Variants in KIAA1549 observed in about 807,000 individuals in gnomAD.
KIAA1549 encodes the protein UPF0606 protein KIAA1549.
In KIAA1549, 70 loss-of-function variants were observed where a neutral mutation model predicts 156.4. The ratio of observed to expected loss-of-function variants is 0.45; its 90% CI spans 0.37 to 0.55. KIAA1549 has a LOEUF of 0.55. KIAA1549 is among the 20% of genes least tolerant of loss of function. KIAA1549 has a pLI of 0.00. For missense variants in KIAA1549, 2,428 were observed against 2,540.9 expected (o/e 0.96, Z 0.96); for synonymous variants, 1,103 against 1,066.4 (o/e 1.03, Z -0.67).
At position 138,919,385 on chromosome 7, in the gene KIAA1549, G is replaced by T. The variant is rs1812481159; in HGVS notation, c.241C>A (p.Leu81Met). Residue 81 changes from leucine to methionine, a missense_variant, in exon 2 of 20, where the codon CTG (leucine) becomes ATG (methionine). Physicochemically the swap from Leu to Met is conservative, Grantham distance 15. Coordinates refer to ENST00000422774, the MANE Select transcript of KIAA1549 (RefSeq NM_001164665.2). ...NLSLYSMELV[L>M]KKSTGHSAAQ... is the part of the protein sequence containing the mutation. ...GCGCTGTGCCCAGTGCTTTTCTTCA[G>T]CACGAGCTCCATGGAGTATAAAGAA... is the stretch of plus-strand genomic sequence containing the variant. 1.9e-6 allele frequency: 3 copies of T among 1,613,872 alleles called. No individual in the cohort carries two copies. The highest frequency in any genetic ancestry group is 2.5e-6 in the Non-Finnish European group (3 of 1,179,896).
At chr7:138,840,931 G>C (rs1809899306) in intron 18 of KIAA1549, among the ~76,000 whole-genome samples, 1 of 152,156 alleles carries the variant, frequency 6.6e-6, no homozygotes, top group Admixed American at 6.5e-5. Context: ...ATCATGACTT[G>C]GTACCAGTTC....
At chr7:138,839,873 C>G (rs1030536555) in intron 19 of KIAA1549, among the ~76,000 whole-genome samples, 2 of 144,598 alleles carry the variant, frequency 1.4e-5, no homozygotes, top group Non-Finnish European at 3.0e-5. Flanking sequence ...GTGCAACCTC[C>G]ATCTCCCGGG....
chr7:138,981,356 G>C lies in KIAA1549; in HGVS notation c.-87C>G, dbSNP rs1814550195. ...CCGCTGCGGCTGCGGCTGGGACGGGGCGCCGCGCACCGGCGCGGAGGGAGG... is the reference window on the plus strand; with the variant it reads ...CCGCTGCGGCTGCGGCTGGGACGGGCCGCCGCGCACCGGCGCGGAGGGAGG... On this transcript the variant is annotated 5_prime_UTR_variant, in exon 1 of 20. Transcript: ENST00000422774. This position sits in a 1 kb window ranked among gnomAD's most constrained non-coding sequence, Gnocchi z 4.5. The C allele has an allele frequency of 2.0e-6, 1 of 505,612 alleles. No homozygotes were observed. The highest frequency in any genetic ancestry group is 6.6e-5 in the Admixed American group (1 of 15,170). The allele number at this position is 505,612 out of a possible 1,614,324, so 31.3% of individuals were successfully genotyped here. A position where few individuals can be genotyped will look rare whatever the true frequency, so the allele number is the denominator to read the frequency against.
chr7:138,928,736 A>C (rs1226306030), intron 1 of KIAA1549, among the ~76,000 whole-genome samples: 1 of 152,236 alleles, frequency 6.6e-6, no homozygotes, highest in African/African-American at 2.4e-5. Flanking sequence ...ACTGTAGTCT[A>C]TTAAGTACAC....
chr7:138,933,636 C>G (rs978719476), intron 1 of KIAA1549, among the ~76,000 whole-genome samples: 1 of 152,206 alleles, frequency 6.6e-6, no homozygotes, highest in Non-Finnish European at 1.5e-5. Context: ...TATATGGGAA[C>G]TCTGTGCATT....
At chr7:138,934,631 C>T (rs1386391192) in intron 1 of KIAA1549, among the ~76,000 whole-genome samples, 5 of 152,146 alleles carry the variant, frequency 3.3e-5, no homozygotes, top group African/African-American at 1.2e-4. Flanking sequence ...CCTGGAGGAG[C>T]CATTTCACAT....
In KIAA1549 at chr7:138,918,034, G is replaced by T; in HGVS notation, c.1592C>A (p.Pro531Gln). Residue 531 changes from proline (P) to glutamine (Q), a missense_variant, in exon 2 of 20, where the codon CCG becomes CAG. Physicochemically the swap from Pro to Gln is moderately conservative, Grantham distance 76 (BLOSUM62 -1). Transcript: ENST00000422774. This position sits in a 1 kb window ranked among gnomAD's most constrained non-coding sequence, Gnocchi z 4.2. ...VPPAHGRLSVPASLDPTAGSL... is the reference protein window; with the variant it reads ...VPPAHGRLSVQASLDPTAGSL... ...GCCAGCAGTAGGATCAAGTGACGCC[G>T]GCACAGAGAGGCGGCCGTGGGCAGG... 6.2e-7 allele frequency: 1 copy of T among 1,610,064 alleles called. No individual in the cohort carries two copies. Among genetic ancestry groups the T allele is most frequent in the Non-Finnish European group, 8.5e-7 (1 of 1,178,100 alleles).
chr7:138,845,421 TA>T (rs1310558605), intron 17 of KIAA1549, among the ~76,000 whole-genome samples: 2 of 152,128 alleles, frequency 1.3e-5, no homozygotes, highest in African/African-American at 4.8e-5. Flanking sequence ...TAGATCATCT[TA>T]AAAAAATATT....
In KIAA1549 at chr7:138,918,228, G is replaced by A. The variant is rs572555872; in HGVS notation, c.1398C>T (p.Ser466=). 172 of 1,613,958 alleles carry A rather than the reference G, an allele frequency of 1.1e-4. No individual in the cohort carries two copies. In the East Asian group the frequency reaches 3.4e-3, roughly 32 times the overall value. ...LEESSISLMS[S]VVADFSEFEE... Reference sequence around the variant, plus strand: ...CAAATTCAGAGAAGTCTGCTACGACGCTACTCATTAGAGAGATGCTGCTTT... The same window carrying A: ...CAAATTCAGAGAAGTCTGCTACGACACTACTCATTAGAGAGATGCTGCTTT... The change falls in exon 2 of 20, where the codon AGC becomes AGT. Residue 466 remains serine, a synonymous_variant. Coordinates refer to ENST00000422774, the MANE Select transcript of KIAA1549 (RefSeq NM_001164665.2). The surrounding 1 kb of genome is among the most constrained non-coding windows in gnomAD (Gnocchi z 4.2).
chr7:138,940,177 A>G (rs943913732), intron 1 of KIAA1549, among the ~76,000 whole-genome samples: 1 of 148,396 alleles, frequency 6.7e-6, no homozygotes, highest in Non-Finnish European at 1.5e-5. Context: ...CCCCCACCCC[A>G]CAACAGGCCC....
At chr7:138,893,380 T>G (rs1416460082) in intron 10 of KIAA1549, among the ~76,000 whole-genome samples, 1 of 139,802 alleles carries the variant, frequency 7.2e-6, no homozygotes. Context: ...AGATAGGGAG[T>G]GGGGGGAGGT....
Position 138,836,715 on chromosome 7 carries a change from C to T in KIAA1549, c.*1191G>A, listed in dbSNP as rs958724411. 5 of 217,870 alleles carry T rather than the reference C, an allele frequency of 2.3e-5. No homozygotes were observed. The highest frequency in any genetic ancestry group is 3.7e-5 in the Non-Finnish European group (4 of 108,444). 13.5% of individuals were successfully genotyped at this position (217,870 alleles called of 1,614,324 possible). A position where few individuals can be genotyped will look rare whatever the true frequency, so the allele number is the denominator to read the frequency against. On this transcript the variant is annotated 3_prime_UTR_variant, in exon 20 of 20. Coordinates refer to ENST00000422774, the MANE Select transcript of KIAA1549 (RefSeq NM_001164665.2). The stretch of plus-strand genomic sequence containing the variant: ...GCATAAGACAATTTTAATAGCCACT[C>T]GACAGAGTAACAGCACAATAAAATC...
At chr7:138,979,864 G>C (rs544600343) in intron 1 of KIAA1549, among the ~76,000 whole-genome samples, 2 of 152,200 alleles carry the variant, frequency 1.3e-5, no homozygotes, top group African/African-American at 2.4e-5. Flanking sequence ...AGCGGGGGTG[G>C]GAGGCAGGGA....
rs1021353685 is a variant in KIAA1549, at chr7:138,871,443, T to C, written c.4346-81A>G. Reference sequence around the variant, plus strand: ...CTAATCAAAATTGTGAATTATTCTTTAAAGAATCTTTGGATGGGCCTCTGA... The same window carrying C: ...CTAATCAAAATTGTGAATTATTCTTCAAAGAATCTTTGGATGGGCCTCTGA... On this transcript the variant is annotated intron_variant, in intron 12 of 19. Coordinates refer to ENST00000422774, the MANE Select transcript of KIAA1549 (RefSeq NM_001164665.2). 4.7e-6 allele frequency: 6 copies of C among 1,280,708 alleles called. No individual in the cohort carries two copies. In the African/African-American group the frequency reaches 9.0e-5, roughly 19 times the overall value. The allele number at this position is 1,280,708 out of a possible 1,614,324, so 79.3% of individuals were successfully genotyped here.
At chr7:138,922,447 G>T (rs998063881) in intron 1 of KIAA1549, among the ~76,000 whole-genome samples, 3 of 151,926 alleles carry the variant, frequency 2.0e-5, no homozygotes, top group Admixed American at 1.3e-4. Flanking sequence ...TTTTTAAAAG[G>T]CCAACTAAAT....
At chr7:138,907,297 C>T (rs539860669) in intron 5 of KIAA1549, among the ~76,000 whole-genome samples, 195 bp from the exon 6 acceptor site, 4 of 152,276 alleles carry the variant, frequency 2.6e-5, no homozygotes, top group African/African-American at 9.6e-5. Context: ...ATGTTTCTTA[C>T]ATTAAGTGAT....
intron 5 of KIAA1549, among the ~76,000 whole-genome samples, chr7:138,908,630 C>T (rs1486980367): frequency 1.3e-5 from 2 of 152,136 alleles, no homozygotes; most frequent in Non-Finnish European, 2.9e-5. Context: ...CCATATGATA[C>T]GTACAACACC....
At chr7:138,858,506 G>A (rs765276054) in intron 16 of KIAA1549, among the ~76,000 whole-genome samples, 1 of 152,006 alleles carries the variant, frequency 6.6e-6, no homozygotes, top group Non-Finnish European at 1.5e-5. Context: ...GCATATTTTT[G>A]TGTTTCTATA....
intron 1 of KIAA1549, among the ~76,000 whole-genome samples, chr7:138,926,814 AATATAT>A (rs920336484): frequency 1.3e-5 from 2 of 151,684 alleles, no homozygotes; most frequent in Admixed American, 6.6e-5. Flanking sequence ...ACTATTTATA[AATATAT>A]ATATATGTTA....
Sources: gnomAD v4.1 joint callset for allele counts (sites outside exome capture counted in the v4.1 genomes callset) on GRCh38, gnomAD v4.1.1 for gene constraint, Gnocchi (gnomAD v3.1) non-coding constraint, MANE v1.5 for transcripts, NCBI Gene and HGNC (gene_info 2026-07-23, HGNC 2026-07-21) for gene names.